The following ZNF804B variants were observed in gnomAD, a reference collection of about 807,000 sequenced individuals.
ZNF804B encodes the protein zinc finger protein 804B.
Under a neutral mutation model 101.4 loss-of-function variants are expected in ZNF804B, and 80 were observed. The ratio of observed to expected loss-of-function variants is 0.79; its 90% CI spans 0.66 to 0.95. ZNF804B has a LOEUF of 0.95. Ranked by LOEUF, ZNF804B falls within the 40% of genes least tolerant of loss-of-function variation. ZNF804B has a pLI of 0.00. For synonymous variants in ZNF804B, 622 were observed against 558.8 expected (o/e 1.11, Z -1.59); for missense variants, 1,673 against 1,561.9 (o/e 1.07, Z -1.20).
chr7:88,927,801 C>T (rs1489819831), intron 1 of ZNF804B, among the ~76,000 whole-genome samples: 1 of 152,110 alleles, frequency 6.6e-6, no homozygotes, highest in East Asian at 1.9e-4. Context: ...ATTATCTTCT[C>T]ACCTACCATT....
chr7:88,827,712 C>T (rs1288922321), intron 1 of ZNF804B, among the ~76,000 whole-genome samples: 1 of 152,040 alleles, frequency 6.6e-6, no homozygotes, highest in Non-Finnish European at 1.5e-5. Flanking sequence ...ACTCTGAAAA[C>T]CACATAAAGG....
chr7:88,808,772 G>A (rs539141775), intron 1 of ZNF804B, among the ~76,000 whole-genome samples: 2 of 152,270 alleles, frequency 1.3e-5, no homozygotes, highest in Admixed American at 6.5e-5. Flanking sequence ...CTGATAGCAG[G>A]ATGAAAGTTA....
At chr7:89,165,877 G>A (rs1312322551) in intron 1 of ZNF804B, among the ~76,000 whole-genome samples, 2 of 152,060 alleles carry the variant, frequency 1.3e-5, no homozygotes, top group African/African-American at 2.4e-5. Context: ...CAGAATCACT[G>A]CATCTCAATG....
At chr7:89,252,017 T>C (rs1789548592) in intron 2 of ZNF804B, among the ~76,000 whole-genome samples, 1 of 151,924 alleles carries the variant, frequency 6.6e-6, no homozygotes, top group Admixed American at 6.6e-5. Context: ...TATGACTAAG[T>C]CCTAAAATCA....
chr7:89,235,738 A>G (rs143793545), intron 2 of ZNF804B, among the ~76,000 whole-genome samples: 124 of 151,518 alleles, frequency 8.2e-4, no homozygotes, highest in African/African-American at 2.9e-3. Context: ...AAACCTGATG[A>G]CCATATTAAT....
intron 1 of ZNF804B, among the ~76,000 whole-genome samples, chr7:88,872,468 TTTTA>T (rs1791842742): frequency 6.6e-6 from 1 of 152,126 alleles, no homozygotes; most frequent in South Asian, 2.1e-4. Context: ...TTATGTTTTA[TTTTA>T]TTTATTATTA....
At position 88,867,136 on chromosome 7, in the gene ZNF804B, G is replaced by C. The variant is rs757833610; in HGVS notation, c.108+107052G>C. On this transcript the variant is annotated intron_variant, in intron 1 of 3. Transcript: ENST00000333190. ...AGGAAAACCCTTGACATCATTAGGA[G>C]TAAACTTGCTGTATTAGGGTTCTCC... Among the ~76,000 whole-genome samples, 10 of 152,298 alleles carry C rather than the reference G, an allele frequency of 6.6e-5. 1 individual carries two copies. Among genetic ancestry groups the C allele is most frequent in the Middle Eastern group, 3.4e-3 (1 of 294 alleles).
At chr7:88,989,068 G>A (rs1392756254) in intron 1 of ZNF804B, among the ~76,000 whole-genome samples, 2 of 151,994 alleles carry the variant, frequency 1.3e-5, no homozygotes, top group African/African-American at 4.8e-5. Flanking sequence ...CTGTCACTAT[G>A]CTGGAGTGCA....
At chr7:88,938,358 G>T (rs1793003940) in intron 1 of ZNF804B, among the ~76,000 whole-genome samples, 1 of 152,020 alleles carries the variant, frequency 6.6e-6, no homozygotes, top group Non-Finnish European at 1.5e-5. Flanking sequence ...GGAAGAAAAA[G>T]ATCTAGCTAT....
At chr7:89,033,738 A>G (rs1269577724) in intron 1 of ZNF804B, among the ~76,000 whole-genome samples, 1 of 151,856 alleles carries the variant, frequency 6.6e-6, no homozygotes, top group Non-Finnish European at 1.5e-5. Flanking sequence ...TTAAATAAAT[A>G]TGAAAGGAAA....
intron 1 of ZNF804B, among the ~76,000 whole-genome samples, chr7:88,822,237 T>G (rs907892063): frequency 6.6e-6 from 1 of 152,130 alleles, no homozygotes; most frequent in Admixed American, 6.6e-5. Flanking sequence ...GTATGAAGAA[T>G]TTTTTTAAGT....
chr7:88,978,858 C>G (rs1189771409), intron 1 of ZNF804B, among the ~76,000 whole-genome samples: 17 of 127,964 alleles, frequency 1.3e-4, no homozygotes, highest in Non-Finnish European at 2.1e-4. Flanking sequence ...TTCCTTTCTT[C>G]CTTCCCATCT....
intron 2 of ZNF804B, among the ~76,000 whole-genome samples, chr7:89,226,614 T>C (rs1169918481): frequency 6.6e-6 from 1 of 152,056 alleles, no homozygotes; most frequent in Non-Finnish European, 1.5e-5. Context: ...TGTAACAACA[T>C]AAAATGTGGT....
intron 1 of ZNF804B, among the ~76,000 whole-genome samples, chr7:88,819,184 C>T (rs905736383): frequency 2.0e-5 from 3 of 152,064 alleles, no homozygotes; most frequent in Admixed American, 6.6e-5. Flanking sequence ...AATGCAGTGG[C>T]GCGATCGTGG....
intron 1 of ZNF804B, among the ~76,000 whole-genome samples, chr7:88,811,838 C>T (rs1470820908): frequency 6.6e-6 from 1 of 151,968 alleles, no homozygotes; most frequent in East Asian, 1.9e-4. Flanking sequence ...GGAGGGAGAG[C>T]ATCAGAAGAA....
chr7:89,307,455 A>G (rs1790582568), intron 2 of ZNF804B, among the ~76,000 whole-genome samples: 1 of 152,006 alleles, frequency 6.6e-6, no homozygotes, highest in African/African-American at 2.4e-5. Flanking sequence ...TTCATACTTT[A>G]CTGGAAAATC....
rs146904284 is a variant in ZNF804B, at chr7:89,148,684, T to C, written c.109-69471T>C. On this transcript the variant is annotated intron_variant, in intron 1 of 3. Transcript: ENST00000333190. ...CCCAGGAAAACTTCTGCTATTGAAA[T>C]GTAGTCACTTAAGAGGTTTGTGAAC... is the stretch of plus-strand genomic sequence containing the variant. Among the ~76,000 whole-genome samples, 81 of 152,162 alleles carry C rather than the reference T, an allele frequency of 5.3e-4. No homozygotes were observed. In the East Asian group the frequency reaches 9.3e-3, roughly 17 times the overall value.
At chr7:89,111,058 G>A (rs990435640) in intron 1 of ZNF804B, among the ~76,000 whole-genome samples, 4 of 151,144 alleles carry the variant, frequency 2.6e-5, no homozygotes, top group African/African-American at 4.8e-5. Flanking sequence ...TTTATGGCTC[G>A]GTAGCTCATT....
intron 1 of ZNF804B, among the ~76,000 whole-genome samples, chr7:89,124,461 A>C (rs1790450432): frequency 1.3e-5 from 2 of 152,136 alleles, no homozygotes; most frequent in South Asian, 2.1e-4. Flanking sequence ...TGCTGGGACA[A>C]GGGGTGGACT....
Sources: gnomAD v4.1 joint callset for allele counts (sites outside exome capture counted in the v4.1 genomes callset) on GRCh38, gnomAD v4.1.1 for gene constraint, MANE v1.5 for transcripts, NCBI Gene and HGNC (gene_info 2026-07-23, HGNC 2026-07-21) for gene names.